The following ACTR3B variants were observed in gnomAD, a reference collection of about 807,000 sequenced individuals.
The protein encoded by ACTR3B is actin related protein 3B.
Under a neutral mutation model 59.0 loss-of-function variants are expected in ACTR3B, and 8 were observed. The ratio of observed to expected loss-of-function variants is 0.14; its 90% confidence interval spans 0.08 to 0.24. The LOEUF (loss-of-function observed/expected upper bound fraction) is 0.24. Among genes scored for constraint, ACTR3B ranks in the 10% least tolerant of loss-of-function variants. The pLI, the probability that ACTR3B is intolerant of heterozygous loss-of-function variation, is 1.00. For missense variants in ACTR3B, 245 were observed against 552.3 expected, an observed-to-expected ratio of 0.44 and a Z score of 5.58; for synonymous variants, 148 against 197.9, an observed-to-expected ratio of 0.75 and a Z score of 2.12.
chr7:152,851,346 C>T (rs761373757), intron 9 of ACTR3B, among the ~76,000 whole-genome samples: 33 of 152,226 alleles, frequency 2.2e-4, no homozygotes, highest in Non-Finnish European at 4.0e-4. Context: ...GGTGAGAGGG[C>T]GAGAGGTGAG....
chr7:152,795,362 T>C (rs1270584497), intron 2 of ACTR3B, among the ~76,000 whole-genome samples: 2 of 152,224 alleles, frequency 1.3e-5, no homozygotes, highest in South Asian at 2.1e-4. Context: ...TTCACTCTTA[T>C]AGCTGTGTTG....
At chr7:152,794,338 C>T (rs2098208193) in intron 2 of ACTR3B, among the ~76,000 whole-genome samples, 1 of 152,196 alleles carries the variant, frequency 6.6e-6, no homozygotes, top group African/African-American at 2.4e-5. Flanking sequence ...CTGTCTCAGC[C>T]TCCTGAGTAG....
intron 6 of ACTR3B, among the ~76,000 whole-genome samples, chr7:152,819,474 A>AGC (rs1795981355): frequency 2.6e-5 from 4 of 152,218 alleles, no homozygotes; most frequent in Admixed American, 2.6e-4. Context: ...CTGGAGAACA[A>AGC]GCTGGATGTG....
intron 9 of ACTR3B, among the ~76,000 whole-genome samples, chr7:152,828,542 C>G (rs1055646761): frequency 1.3e-5 from 2 of 151,966 alleles, no homozygotes; most frequent in African/African-American, 4.8e-5. Context: ...GTGCACAGAT[C>G]AGTAGGTCTG....
intron 8 of ACTR3B, 132 bp downstream of exon 8, chr7:152,823,647 G>A (rs4071538): frequency 3.4e-5 from 38 of 1,126,232 alleles, no homozygotes; most frequent in African/African-American, 1.9e-4. Flanking sequence ...TGCATCCCCT[G>A]TGCAGTTTGT....
intron 6 of ACTR3B, among the ~76,000 whole-genome samples, chr7:152,817,665 G>A (rs1446440619): frequency 6.6e-6 from 1 of 152,114 alleles, no homozygotes; most frequent in Non-Finnish European, 1.5e-5. Context: ...ACCATTGCTA[G>A]TTACTTCTGT....
chr7:152,768,769 C>G (rs1168170485), intron 1 of ACTR3B, among the ~76,000 whole-genome samples: 2 of 151,646 alleles, frequency 1.3e-5, no homozygotes, highest in Admixed American at 1.3e-4. Flanking sequence ...AGCCACCGCG[C>G]CTGGCTAGGA....
chr7:152,812,505 T>C (rs1392465017), intron 4 of ACTR3B: 1 of 139,458 alleles, frequency 7.2e-6, no homozygotes, highest in Non-Finnish European at 1.6e-5. Flanking sequence ...TTTAAGGATA[T>C]ATATTTTTTC....
At chr7:152,781,254 A>G (rs903341117) in intron 1 of ACTR3B, among the ~76,000 whole-genome samples, 2 of 136,136 alleles carry the variant, frequency 1.5e-5, no homozygotes, top group African/African-American at 5.6e-5. Context: ...CTCCTCTTTA[A>G]GTAGGAGATT....
intron 4 of ACTR3B, among the ~76,000 whole-genome samples, chr7:152,805,661 C>A (rs2098250101): frequency 6.6e-6 from 1 of 152,102 alleles, no homozygotes. Context: ...TTCCTGAATT[C>A]TTGAGAATGG....
chr7:152,797,829 G>A (rs1459522503), intron 2 of ACTR3B, among the ~76,000 whole-genome samples: 1 of 152,056 alleles, frequency 6.6e-6, no homozygotes, highest in Non-Finnish European at 1.5e-5. Context: ...TAGTGCCCTC[G>A]AGGTTCATCC....
intron 4 of ACTR3B, among the ~76,000 whole-genome samples, chr7:152,804,862 CAGTATGT>C (rs1229686021): frequency 2.6e-5 from 4 of 152,202 alleles, no homozygotes; most frequent in Non-Finnish European, 5.9e-5. Context: ...CTCCCAGTCC[CAGTATGT>C]TGAAGCTGAG....
intron 2 of ACTR3B, among the ~76,000 whole-genome samples, chr7:152,797,316 A>T (rs1048439921): frequency 6.6e-6 from 1 of 152,078 alleles, no homozygotes; most frequent in African/African-American, 2.4e-5. Flanking sequence ...CCTGAGCTCA[A>T]GCTATCCTCC....
At chr7:152,773,140 C>A (rs907572970) in intron 1 of ACTR3B, among the ~76,000 whole-genome samples, 4 of 119,578 alleles carry the variant, frequency 3.3e-5, no homozygotes, top group African/African-American at 1.2e-4. Context: ...AGGAATAGTA[C>A]AAAAGTTAAA....
intron 2 of ACTR3B, among the ~76,000 whole-genome samples, chr7:152,787,777 A>G (rs146624623): frequency 0.074 from 11,178 of 151,984 alleles, 433 homozygotes; most frequent in Non-Finnish European, 0.088. Flanking sequence ...AGTGTTAAAC[A>G]CTATTACTTT....
intron 9 of ACTR3B, among the ~76,000 whole-genome samples, chr7:152,843,828 G>A (rs929140531): frequency 2.0e-5 from 3 of 152,172 alleles, no homozygotes; most frequent in South Asian, 2.1e-4. Context: ...CTGTGGTAAC[G>A]TAAAAGAATG....
chr7:152,789,823 C>T (rs1256715275), intron 2 of ACTR3B, among the ~76,000 whole-genome samples: 1 of 152,010 alleles, frequency 6.6e-6, no homozygotes, highest in Non-Finnish European at 1.5e-5. Context: ...CTAGTGATAA[C>T]TGTAGGTTTT....
chr7:152,854,498 A>G lies in ACTR3B; in HGVS notation c.1202A>G (p.Glu401Gly). Residue 401 changes from glutamate to glycine, a missense_variant, in exon 12 of 12, where the codon GAA becomes GGA. Coordinates refer to ENST00000256001, the MANE Select transcript of ACTR3B (RefSeq NM_020445.6). The surrounding 1 kb of genome is among the most constrained non-coding windows in gnomAD (Gnocchi z 4.9). ...GTCTGCCACACCAAGAAGGACTATG[A>G]AGAGTACGGGCCCAGCATCTGCCGC... ...FQVCHTKKDY[E>G]EYGPSICRHN... 1 of 1,614,096 alleles carries G rather than the reference A, an allele frequency of 6.2e-7. No homozygotes were observed. Among genetic ancestry groups the G allele is most frequent in the Non-Finnish European group, 8.5e-7 (1 of 1,180,008 alleles).
chr7:152,763,447 A>G (rs1357733436), intron 1 of ACTR3B, among the ~76,000 whole-genome samples: 2 of 150,048 alleles, frequency 1.3e-5, no homozygotes, highest in East Asian at 3.9e-4. Context: ...TTTTTTTGAC[A>G]GAATCTTGTT....
Sources: gnomAD v4.1 joint callset for allele counts (sites outside exome capture counted in the v4.1 genomes callset) on GRCh38, gnomAD v4.1.1 for gene constraint, Gnocchi (gnomAD v3.1) non-coding constraint, MANE v1.5 for transcripts, NCBI Gene and HGNC (gene_info 2026-07-23, HGNC 2026-07-21) for gene names.